Variants in ITPR2 observed in about 807,000 individuals in gnomAD.
ITPR2 encodes the protein inositol 1,4,5-trisphosphate receptor type 2.
Under a neutral mutation model 317.1 loss-of-function variants are expected in ITPR2, and 207 were observed. That is an observed-to-expected ratio of 0.65 (90% confidence interval 0.58 to 0.73). The LOEUF (loss-of-function observed/expected upper bound fraction) is 0.73. Ranked by LOEUF, ITPR2 falls within the 30% of genes least tolerant of loss-of-function variation. The pLI is 0.00. For missense variants in ITPR2, 2,613 were observed against 3,284.0 expected (o/e 0.80, Z 4.99); for synonymous variants, 1,156 against 1,149.1 (o/e 1.01, Z -0.12).
intron 34 of ITPR2, among the ~76,000 whole-genome samples, chr12:26,570,672 A>G (rs1945135666): frequency 6.6e-6 from 1 of 152,218 alleles, no homozygotes; most frequent in Non-Finnish European, 1.5e-5. Flanking sequence ...TAATTCCCCC[A>G]AATCATTTGA....
In ITPR2 at chr12:26,550,295, A is replaced by G. The variant is rs372536539; in HGVS notation, c.5025T>C (p.Leu1675=). 1.1e-4 allele frequency: 176 copies of G among 1,555,854 alleles called. No individual in the cohort carries two copies. Among genetic ancestry groups the G allele is most frequent in the Non-Finnish European group, 1.5e-4 (168 of 1,133,638 alleles). ...TCTCTAACATTTCTCGTAATGTCTG[A>G]AGAATTTTAATGCACAGTTTTTCTT... ...EKEEKLCIKI[L]QTLREMLEKK... The change falls in exon 37 of 57, where the codon CTT becomes CTC. Residue 1675 remains leucine (L), a synonymous_variant. Transcript: ENST00000381340.
intron 45 of ITPR2, among the ~76,000 whole-genome samples, chr12:26,464,775 C>A (rs1306850378): frequency 1.3e-5 from 2 of 152,180 alleles, no homozygotes; most frequent in African/African-American, 2.4e-5. Flanking sequence ...GTTCTATGAT[C>A]ACAGCAGGCG....
At position 26,614,114 on chromosome 12, in the gene ITPR2, T is replaced by G. The variant is rs189084398; in HGVS notation, c.3462+7009A>C. On this transcript the variant is annotated intron_variant, in intron 26 of 56. Transcript: ENST00000381340. Reference sequence around the variant, plus strand: ...ACCCTCCTATTACAAAACAACTAGATCTTAGATATAAACCTATTTTAAGTA... The same window carrying G: ...ACCCTCCTATTACAAAACAACTAGAGCTTAGATATAAACCTATTTTAAGTA... 7.2e-4 allele frequency among the ~76,000 whole-genome samples: 110 copies of G among 151,846 alleles called. 2 individuals are homozygous for G. In the East Asian group the frequency reaches 0.021, roughly 29 times the overall value.
chr12:26,411,267 A>G lies in ITPR2; in HGVS notation c.7399+53T>C, dbSNP rs769597478. On this transcript the variant is annotated intron_variant, in intron 52 of 56. Coordinates refer to ENST00000381340, the MANE Select transcript of ITPR2 (RefSeq NM_002223.4). ...CCTAAGAGGTAATAATATTTACTAA[A>G]TAAAACTTCAAAGATATCAAGTTCA... 1.6e-5 allele frequency: 19 copies of G among 1,196,024 alleles called. No homozygotes were observed. The African/African-American group carries it at 2.7e-4, about 17-fold the overall frequency. The allele number at this position is 1,196,024 out of a possible 1,614,324, so 74.1% of individuals were successfully genotyped here.
intron 45 of ITPR2, among the ~76,000 whole-genome samples, chr12:26,448,099 C>G (rs1219022111): frequency 6.6e-6 from 1 of 151,540 alleles, no homozygotes; most frequent in African/African-American, 2.4e-5. Flanking sequence ...AGTTTCTGCA[C>G]AAGTATGGCA....
intron 45 of ITPR2, among the ~76,000 whole-genome samples, chr12:26,451,106 T>C (rs1443573324): frequency 1.3e-5 from 2 of 152,166 alleles, no homozygotes; most frequent in African/African-American, 4.8e-5. Flanking sequence ...GCAATGTTCA[T>C]GTTTCTGAAC....
chr12:26,639,598 C>G (rs1946938338), intron 21 of ITPR2, among the ~76,000 whole-genome samples: 1 of 150,454 alleles, frequency 6.6e-6, no homozygotes, highest in African/African-American at 2.4e-5. Flanking sequence ...TTAGGTATAT[C>G]TCCTGATGCT....
chr12:26,416,017 T>A (rs1002684534), intron 50 of ITPR2, among the ~76,000 whole-genome samples: 1 of 152,170 alleles, frequency 6.6e-6, no homozygotes, highest in African/African-American at 2.4e-5. Context: ...GTTTCATGAG[T>A]CTGATGCAGC....
intron 1 of ITPR2, among the ~76,000 whole-genome samples, chr12:26,809,978 C>T (rs1368931817): frequency 6.6e-6 from 1 of 152,242 alleles, no homozygotes; most frequent in Non-Finnish European, 1.5e-5. Flanking sequence ...AATTCTTCAA[C>T]TGTGTGTTGT....
chr12:26,423,338 A>G (rs1443864760), intron 49 of ITPR2, among the ~76,000 whole-genome samples: 1 of 152,214 alleles, frequency 6.6e-6, no homozygotes, highest in Non-Finnish European at 1.5e-5. Context: ...GCTATCTACA[A>G]GTAAGTAACT....
rs1299298174 is a variant in ITPR2, at chr12:26,785,191, G to A, written c.163+4966C>T. Among the ~76,000 whole-genome samples, 180 of 25,284 alleles carry A rather than the reference G, an allele frequency of 7.1e-3. 4 individuals carry two copies. The highest frequency in any genetic ancestry group is 0.017 in the African/African-American group (169 of 10,056). The allele number at this position is 25,284 out of a possible 152,430, so 16.6% of individuals were successfully genotyped here. ...GGAGGTGGGGGGGGGTCAGCCCCCCGCCCGGCCAGCCGCCCCGTCCGGGAG... is the reference window on the plus strand; with the variant it reads ...GGAGGTGGGGGGGGGTCAGCCCCCCACCCGGCCAGCCGCCCCGTCCGGGAG... On this transcript the variant is annotated intron_variant, in intron 2 of 56. Coordinates refer to ENST00000381340, the MANE Select transcript of ITPR2 (RefSeq NM_002223.4).
chr12:26,354,901 C>T (rs1353424991), intron 55 of ITPR2, among the ~76,000 whole-genome samples: 5 of 152,072 alleles, frequency 3.3e-5, no homozygotes, highest in African/African-American at 9.7e-5. Flanking sequence ...TGACCTCAGA[C>T]GATCTGCCTG....
intron 13 of ITPR2, among the ~76,000 whole-genome samples, chr12:26,671,812 G>A (rs549687183): frequency 3.2e-4 from 48 of 152,222 alleles, no homozygotes; most frequent in South Asian, 8.3e-4. Flanking sequence ...CCTATCTCAC[G>A]TGCAGAGACA....
intron 37 of ITPR2, among the ~76,000 whole-genome samples, chr12:26,500,888 G>T (rs926942468): frequency 3.3e-5 from 5 of 152,194 alleles, no homozygotes; most frequent in Non-Finnish European, 5.9e-5. Flanking sequence ...CCTTAGGAAT[G>T]AAGACTTCAA....
At chr12:26,389,821 A>T (rs1462002739) in intron 54 of ITPR2, among the ~76,000 whole-genome samples, 1 of 152,218 alleles carries the variant, frequency 6.6e-6, no homozygotes, top group Non-Finnish European at 1.5e-5. Flanking sequence ...TGATTGTGTA[A>T]GAAAAAGCCT....
chr12:26,607,286 T>C (rs904598866), intron 26 of ITPR2, among the ~76,000 whole-genome samples: 2 of 152,184 alleles, frequency 1.3e-5, no homozygotes, highest in Non-Finnish European at 2.9e-5. Context: ...TTCCTTCTTC[T>C]ATCCTCACCT....
At chr12:26,733,433 T>C (rs1189806546) in intron 2 of ITPR2, among the ~76,000 whole-genome samples, 7 of 152,148 alleles carry the variant, frequency 4.6e-5, no homozygotes, top group East Asian at 1.9e-4. Context: ...ACACAACCTC[T>C]AGAAAAATAT....
At position 26,621,780 on chromosome 12, in the gene ITPR2, A is replaced by G. The variant is rs190860059; in HGVS notation, c.3288+460T>C. Among the ~76,000 whole-genome samples, 3 of 152,350 alleles carry G rather than the reference A, an allele frequency of 2.0e-5. No homozygotes were observed. In the East Asian group the frequency reaches 5.8e-4, roughly 29 times the overall value. ...AAACATATGTAAGCACTTACGTATT[A>G]CTAATTAATAATCTCAAGATTGATG... On this transcript the variant is annotated intron_variant, in intron 25 of 56. Transcript: ENST00000381340.
At chr12:26,486,764 T>C in intron 40 of ITPR2, 1 of 580,340 alleles carries the variant, frequency 1.7e-6, no homozygotes, top group East Asian at 4.0e-5. Context: ...ATTTCTGTTT[T>C]TAAAGTTTCA....
Sources: allele counts gnomAD v4.1 joint callset (sites outside exome capture counted in the v4.1 genomes callset), GRCh38; gene constraint gnomAD v4.1.1; transcripts MANE v1.5; gene names NCBI Gene and HGNC (gene_info 2026-07-23, HGNC 2026-07-21).